SHPRH: variants seen among roughly 807,000 people sequenced by gnomAD.
SHPRH encodes E3 ubiquitin-protein ligase SHPRH.
SHPRH carries 106 observed loss-of-function variants against 202.5 expected under a neutral mutation model. The ratio of observed to expected loss-of-function variants is 0.52; its 90% confidence interval spans 0.45 to 0.62. The LOEUF (loss-of-function observed/expected upper bound fraction) is 0.62. Among genes scored for constraint, SHPRH ranks in the 20% least tolerant of loss-of-function variants. The pLI, the probability that SHPRH is intolerant of heterozygous loss-of-function variation, is 0.00. For synonymous variants in SHPRH, 729 were observed against 686.0 expected (o/e 1.06, Z -0.98); for missense variants, 1,710 against 2,020.0 (o/e 0.85, Z 2.94).
chr6:145,880,893 A>AT (rs1385573612), downstream of SHPRH, among the ~76,000 whole-genome samples: 1 of 152,176 alleles, frequency 6.6e-6, no homozygotes, highest in Non-Finnish European at 1.5e-5. Context: ...GTTTCGAGTG[A>AT]TAAAAACTTA....
intron 17 of SHPRH, among the ~76,000 whole-genome samples, 192 bp downstream of exon 17, chr6:145,924,547 T>C (rs1056946809): frequency 1.3e-5 from 2 of 151,932 alleles, no homozygotes; most frequent in Non-Finnish European, 2.9e-5. Context: ...TTGACTTATT[T>C]ATGCATCTGT....
At chr6:145,928,454 C>T (rs1785099948) in intron 14 of SHPRH, among the ~76,000 whole-genome samples, 1 of 151,698 alleles carries the variant, frequency 6.6e-6, no homozygotes, top group Admixed American at 6.6e-5. Flanking sequence ...AAGTATCACA[C>T]ATACTTTCTT....
In SHPRH at chr6:145,953,494, A is replaced by C. The variant is rs569658856; in HGVS notation, c.634-1016T>G. 2.0e-5 allele frequency among the ~76,000 whole-genome samples: 3 copies of C among 152,200 alleles called. No individual in the cohort carries two copies. The East Asian group carries it at 5.8e-4, about 29-fold the overall frequency. On this transcript the variant is annotated intron_variant, in intron 2 of 29. Transcript: ENST00000275233. Reference sequence around the variant, plus strand: ...TTTGGCAAAATCAGTAAAGAGAGGGAATGTTTGATTACATAGTTTCACTGT... The same window carrying C: ...TTTGGCAAAATCAGTAAAGAGAGGGCATGTTTGATTACATAGTTTCACTGT...
At chr6:145,895,259 T>C (rs1055450981) in intron 25 of SHPRH, among the ~76,000 whole-genome samples, 3 of 152,080 alleles carry the variant, frequency 2.0e-5, no homozygotes, top group African/African-American at 2.4e-5. Flanking sequence ...TTTAGTTAAG[T>C]AGTCAGGTTT....
In SHPRH at chr6:145,926,212, C is replaced by G. The variant is rs746242720; in HGVS notation, c.3286G>C (p.Glu1096Gln). 13 of 1,612,690 alleles carry G rather than the reference C, an allele frequency of 8.1e-6. No homozygotes were observed. The highest frequency in any genetic ancestry group is 1.1e-5 in the Non-Finnish European group (13 of 1,179,102). ...ATGAAAAAAATAATTACCTCTTCCT[C>G]AAGTCGGCCATCACGCAAGGTAGGT... ...IPPTLRDGRL[E>Q]EEAKQLREHY... Residue 1096 changes from glutamate (E) to glutamine (Q), a missense_variant, in exon 16 of 30, where the codon GAG becomes CAG. Physicochemically the swap from Glu to Gln is conservative, Grantham distance 29. Coordinates refer to ENST00000275233, the MANE Select transcript of SHPRH (RefSeq NM_001042683.3).
chr6:145,941,910 A>G, intron 9 of SHPRH, 36 bp from the exon 10 acceptor site: 1 of 1,603,392 alleles, frequency 6.2e-7, no homozygotes, highest in Non-Finnish European at 8.5e-7. Context: ...TATTGCAAAA[A>G]GGCTCACTAA....
intron 2 of SHPRH, among the ~76,000 whole-genome samples, chr6:145,873,508 A>G (rs927135919): frequency 6.6e-6 from 1 of 152,116 alleles, no homozygotes; most frequent in Non-Finnish European, 1.5e-5. Context: ...ACTGGTTATG[A>G]CCTTATACTG....
At chr6:145,863,820 T>C (rs1779658238), downstream of SHPRH, among the ~76,000 whole-genome samples, 1 of 152,200 alleles carries the variant, frequency 6.6e-6, no homozygotes, top group African/African-American at 2.4e-5. Context: ...CTTCCTACTG[T>C]CCTTAGTAAT....
chr6:145,889,559 C>T (rs1167340257), intron 28 of SHPRH, among the ~76,000 whole-genome samples: 1 of 152,082 alleles, frequency 6.6e-6, no homozygotes, highest in Non-Finnish European at 1.5e-5. Flanking sequence ...ACATTAAAAA[C>T]GTTGTTTTGT....
intron 11 of SHPRH, among the ~76,000 whole-genome samples, chr6:145,939,002 G>A (rs1213488888): frequency 6.6e-6 from 1 of 152,124 alleles, no homozygotes; most frequent in African/African-American, 2.4e-5. Context: ...ACATCCTAAA[G>A]CATACAGGAC....
intron 18 of SHPRH, 68 bp downstream of exon 18, chr6:145,923,575 C>G (rs1784612174): frequency 6.4e-7 from 1 of 1,560,462 alleles, no homozygotes; most frequent in South Asian, 1.2e-5. Flanking sequence ...AAATTAGAAA[C>G]TAGAAAATAC....
At chr6:145,914,687 G>A (rs1783794675) in intron 23 of SHPRH, among the ~76,000 whole-genome samples, 1 of 152,150 alleles carries the variant, frequency 6.6e-6, no homozygotes, top group South Asian at 2.1e-4. Context: ...TCAGTTCAGA[G>A]TATTTTCTAA....
downstream of SHPRH, chr6:145,884,590 AAACTT>A (rs1780833844): frequency 6.6e-6 from 1 of 152,232 alleles, no homozygotes; most frequent in Non-Finnish European, 1.5e-5. Context: ...TAGAGAAAGA[AAACTT>A]AAAAAATCCT....
At chr6:145,915,714 A>G (rs906930164) in intron 23 of SHPRH, among the ~76,000 whole-genome samples, 2 of 151,996 alleles carry the variant, frequency 1.3e-5, no homozygotes, top group African/African-American at 4.8e-5. Context: ...GTTCCTTTGT[A>G]AGTATTAAAT....
Position 145,935,149 on chromosome 6 carries a change from T to A in SHPRH, c.2748A>T (p.Pro916=). The change falls in exon 13 of 30, where the codon CCA becomes CCT. Residue 916 remains proline, a synonymous_variant. Transcript: ENST00000275233. ...KDVIDQIQIP[P]QTEEIHWLHF... Reference sequence around the variant, plus strand: ...GGAGCCAGTGTATTTCTTCGGTTTGTGGTGGTATTTGGATCTGTGAAAAGG... The same window carrying A: ...GGAGCCAGTGTATTTCTTCGGTTTGAGGTGGTATTTGGATCTGTGAAAAGG... The A allele has an allele frequency of 6.2e-7, 1 of 1,613,426 alleles. No homozygotes were observed. The highest frequency in any genetic ancestry group is 8.5e-7 in the Non-Finnish European group (1 of 1,179,882).
At chr6:145,932,042 T>C (rs1203955484) in intron 14 of SHPRH, among the ~76,000 whole-genome samples, 1 of 149,608 alleles carries the variant, frequency 6.7e-6, no homozygotes, top group Non-Finnish European at 1.5e-5. Context: ...TTTGACTTTA[T>C]TGATTTTTTT....
rs969272097 is a variant in SHPRH at position 145,922,156 on chromosome 6, C to T, written c.3782+130G>A. 3.1e-5 allele frequency: 23 copies of T among 736,758 alleles called. No homozygotes were observed. In the African/African-American group the frequency reaches 4.2e-4, roughly 13 times the overall value. 45.6% of individuals were successfully genotyped at this position (736,758 alleles called of 1,614,324 possible). On this transcript the variant is annotated intron_variant, in intron 20 of 29. Transcript: ENST00000275233. ...TAAACAATCAAATACCAAAGGTGTA[C>T]TAATCAATTTAATTAAAGAAACAAT...
At chr6:145,939,517 T>C (rs564011111) in intron 11 of SHPRH, among the ~76,000 whole-genome samples, 4 of 152,158 alleles carry the variant, frequency 2.6e-5, no homozygotes, top group Non-Finnish European at 4.4e-5. Context: ...AAGAAATTAT[T>C]GCTCATACTC....
chr6:145,956,649 A>G (rs1474514828), intron 1 of SHPRH, among the ~76,000 whole-genome samples: 1 of 152,186 alleles, frequency 6.6e-6, no homozygotes, highest in East Asian at 1.9e-4. Flanking sequence ...GTATAAATAT[A>G]GTAAACTTTT....
Sources: allele counts gnomAD v4.1 joint callset (sites outside exome capture counted in the v4.1 genomes callset), GRCh38; gene constraint gnomAD v4.1.1; transcripts MANE v1.5; gene names NCBI Gene and HGNC (gene_info 2026-07-23, HGNC 2026-07-21).